Variants in SSUH2 observed in about 807,000 individuals in gnomAD.
SSUH2 encodes the protein protein SSUH2 homolog.
A neutral mutation model predicts 55.3 loss-of-function variants in SSUH2; 47 were observed. The observed-to-expected ratio is 0.85, with a 90% CI of 0.67 to 1.08. The LOEUF (loss-of-function observed/expected upper bound fraction) is 1.08. Among genes scored for constraint, SSUH2 ranks in the 50% least tolerant of loss-of-function variants. The pLI, the probability that SSUH2 is intolerant of heterozygous loss-of-function variation, is 0.00. For missense variants in SSUH2, 535 were observed against 490.7 expected (o/e 1.09, Z -0.85); for synonymous variants, 212 against 191.5 (o/e 1.11, Z -0.89).
intron 7 of SSUH2, among the ~76,000 whole-genome samples, chr3:8,656,736 G>A (rs1453222383): frequency 6.6e-6 from 1 of 152,182 alleles, no homozygotes; most frequent in East Asian, 1.9e-4. Context: ...GCACAGGGAG[G>A]AAGTGACTTG....
chr3:8,634,179 C>A, intron 3 of SSUH2: 1 of 610,454 alleles, frequency 1.6e-6, no homozygotes, highest in Non-Finnish European at 2.7e-6. Flanking sequence ...AATAAGGCTC[C>A]TGCCCTCGGG....
intron 2 of SSUH2, among the ~76,000 whole-genome samples, chr3:8,678,897 GAGGCACCCCCCGCCAGGC>G (rs1407232409): frequency 1.8e-5 from 2 of 114,012 alleles, no homozygotes; most frequent in Non-Finnish European, 2.0e-5. Flanking sequence ...GCAAGGGAGG[GAGGCACCCCCCGCCAGGC>G]GGGGACTGAG....
intron 1 of SSUH2, among the ~76,000 whole-genome samples, chr3:8,681,016 A>C (rs557611965): frequency 3.7e-4 from 47 of 125,598 alleles, no homozygotes; most frequent in Admixed American, 2.5e-3. Flanking sequence ...GGGGGAGGCA[A>C]CCTCCAAGTG....
chr3:8,634,540 G>C, intron 3 of SSUH2: 1 of 1,289,782 alleles, frequency 7.8e-7, no homozygotes, highest in Non-Finnish European at 1.0e-6. Context: ...CTCCAGCCCT[G>C]GCACACAGAG....
intron 5 of SSUH2, among the ~76,000 whole-genome samples, chr3:8,666,065 G>C (rs1703966317): frequency 6.6e-6 from 1 of 152,142 alleles, no homozygotes; most frequent in East Asian, 1.9e-4. Context: ...TGAGAGATCT[G>C]GCAAAGACTG....
intron 7 of SSUH2, among the ~76,000 whole-genome samples, chr3:8,657,041 C>T (rs907800337): frequency 2.6e-4 from 39 of 152,074 alleles, no homozygotes; most frequent in Admixed American, 9.8e-4. Context: ...CCATCACACC[C>T]GGCCAATTTT....
chr3:8,657,846 G>A (rs1012216056), intron 7 of SSUH2, among the ~76,000 whole-genome samples: 14 of 152,302 alleles, frequency 9.2e-5, no homozygotes, highest in African/African-American at 2.9e-4. Flanking sequence ...CGCCACCCTC[G>A]CTCTCCAGTA....
At chr3:8,623,887 T>C (rs1285278692) in intron 10 of SSUH2, among the ~76,000 whole-genome samples, 1 of 152,212 alleles carries the variant, frequency 6.6e-6, no homozygotes, top group African/African-American at 2.4e-5. Context: ...GCCTCCTGTG[T>C]GCCGGGCACC....
chr3:8,641,726 A>G lies in SSUH2; in HGVS notation c.28+3005T>C, dbSNP rs1413244914. 3.9e-5 allele frequency among the ~76,000 whole-genome samples: 6 copies of G among 152,198 alleles called. No homozygotes were observed. In the East Asian group the frequency reaches 1.2e-3, roughly 29 times the overall value. On this transcript the variant is annotated intron_variant, in intron 1 of 11. Coordinates refer to ENST00000544814, the MANE Select transcript of SSUH2 (RefSeq NM_001256748.3). ...GCCTCCATCCACGGGATGTGTGAAA[A>G]ACACTGAGATCCCCCGTCAGTCACC...
intron 1 of SSUH2, among the ~76,000 whole-genome samples, chr3:8,681,215 C>T (rs377264651): frequency 1.6e-4 from 24 of 147,276 alleles, no homozygotes; most frequent in Admixed American, 8.1e-4. Context: ...CCCTCTTCCC[C>T]CCCTGGCTCT....
At position 8,635,768 on chromosome 3, in the gene SSUH2, G is replaced by A; in HGVS notation, c.118C>T (p.Gln40Ter). Residue 40 changes from glutamine to a stop codon, truncating the protein, a stop_gained, in exon 2 of 12, where the codon CAA becomes TAA. Transcript: ENST00000544814. LOFTEE classifies it high-confidence loss of function. ...ERLPSYDWLLQGGRGQIFFPP... is the reference protein window; with the variant it reads ...ERLPSYDWLL ...CCCTCTTGGAACTTACTGCCCCCTT[G>A]AAGAAGCCAGTCATAGCTGGGCAGT... 6.5e-7 allele frequency: 1 copy of A among 1,535,602 alleles called. No homozygotes were observed. Among genetic ancestry groups the A allele is most frequent in the East Asian group, 2.4e-5 (1 of 40,900 alleles).
chr3:8,659,660 C>G, intron 6 of SSUH2: 1 of 415,696 alleles, frequency 2.4e-6, no homozygotes, highest in Non-Finnish European at 4.9e-6. Flanking sequence ...GTCCCCTGAC[C>G]CAAACCCTCA....
intron 7 of SSUH2, among the ~76,000 whole-genome samples, chr3:8,657,393 C>A (rs935404021): frequency 4.5e-4 from 68 of 152,088 alleles, no homozygotes; most frequent in Non-Finnish European, 1.0e-4. Context: ...CATGAAGAAG[C>A]CCAAGACTCA....
chr3:8,653,631 G>A (rs913430274), intron 7 of SSUH2, among the ~76,000 whole-genome samples: 6 of 152,184 alleles, frequency 3.9e-5, no homozygotes, highest in Non-Finnish European at 7.4e-5. Context: ...GGCTGAATAC[G>A]AATAACATAG....
intron 1 of SSUH2, among the ~76,000 whole-genome samples, chr3:8,637,238 TA>T (rs1440518406): frequency 1.3e-5 from 2 of 152,308 alleles, no homozygotes; most frequent in Middle Eastern, 3.4e-3. Context: ...TATTGGGACA[TA>T]ACCCCACTGT....
intron 7 of SSUH2, among the ~76,000 whole-genome samples, chr3:8,628,903 G>T (rs355054): frequency 0.32 from 48,241 of 152,038 alleles, 8,960 homozygotes; most frequent in African/African-American, 0.53. Context: ...TCGCCCAGGC[G>T]GGAGTGCAGT....
intron 5 of SSUH2, chr3:8,670,958 C>T (rs1704501036): frequency 2.6e-6 from 1 of 385,394 alleles, no homozygotes; most frequent in Non-Finnish European, 5.5e-6. Flanking sequence ...TTAGAAGTAA[C>T]ATCCCCCGAG....
intron 5 of SSUH2, among the ~76,000 whole-genome samples, chr3:8,669,551 A>G (rs2125401141): frequency 6.6e-6 from 1 of 152,330 alleles, no homozygotes; most frequent in Admixed American, 6.5e-5. Context: ...ACTTTCCCCA[A>G]AATATGTATT....
chr3:8,665,759 T>A (rs576373680), intron 5 of SSUH2, among the ~76,000 whole-genome samples: 2 of 152,208 alleles, frequency 1.3e-5, no homozygotes, highest in African/African-American at 2.4e-5. Context: ...CAATGTTAGA[T>A]GAAAATAGTT....
Sources: gnomAD v4.1 joint callset for allele counts (sites outside exome capture counted in the v4.1 genomes callset) on GRCh38, gnomAD v4.1.1 for gene constraint, MANE v1.5 for transcripts, NCBI Gene and HGNC (gene_info 2026-07-23, HGNC 2026-07-21) for gene names.